Variants in PLEKHG4 observed in about 807,000 individuals in gnomAD.
PLEKHG4 encodes pleckstrin homology and RhoGEF domain containing G4.
PLEKHG4 carries 85 observed loss-of-function variants against 136.9 expected under a neutral mutation model. The observed-to-expected ratio is 0.62, with a 90% CI of 0.52 to 0.74. The LOEUF (loss-of-function observed/expected upper bound fraction) is 0.74, where lower values mean the gene tolerates loss of function less well. PLEKHG4 is among the 30% of genes least tolerant of loss of function. PLEKHG4 has a pLI of 0.00. For missense variants in PLEKHG4, 1,317 were observed against 1,527.8 expected, an observed-to-expected ratio of 0.86 and a Z score of 2.30; for synonymous variants, 577 against 646.9, an observed-to-expected ratio of 0.89 and a Z score of 1.64.
Position 67,281,594 on chromosome 16 carries a change from G to C in PLEKHG4, c.841G>C (p.Val281Leu). The C allele has an allele frequency of 2.5e-6, 4 of 1,613,902 alleles. No homozygotes were observed. The highest frequency in any genetic ancestry group is 2.5e-6 in the Non-Finnish European group (3 of 1,179,936). ...AGCAGCCCCAGGGGCCGTGTACCAGGTGCTGCTAGTGGGAAGCACGCTGCT... is the reference window on the plus strand; with the variant it reads ...AGCAGCCCCAGGGGCCGTGTACCAGCTGCTGCTAGTGGGAAGCACGCTGCT... ...QEAAPGAVYQVLLVGSTLLKE... is the reference protein window; with the variant it reads ...QEAAPGAVYQLLLVGSTLLKE... The change falls in exon 6 of 22, where the codon GTG (valine) becomes CTG (leucine). Residue 281 changes from valine to leucine, a missense_variant. Transcript: ENST00000379344.
At position 67,287,895 on chromosome 16, in the gene PLEKHG4, C is replaced by T. The variant is rs2036550193; in HGVS notation, c.3104-3C>T. ...ATCCCACTTATGTCCACTCTCCACCCAGAGGTGCGCATGGCTGAGATGGTG... is the reference window on the plus strand; with the variant it reads ...ATCCCACTTATGTCCACTCTCCACCTAGAGGTGCGCATGGCTGAGATGGTG... On this transcript the variant is annotated splice_region_variant and splice_polypyrimidine_tract_variant and intron_variant, in intron 18 of 21. Transcript: ENST00000379344. The T allele has an allele frequency of 6.3e-7, 1 of 1,599,106 alleles. No individual in the cohort carries two copies.
intron 14 of PLEKHG4, 99 bp from the exon 15 acceptor site, chr16:67,286,175 A>C (rs919080388): frequency 6.1e-6 from 5 of 825,988 alleles, no homozygotes; most frequent in Non-Finnish European, 1.1e-5. Flanking sequence ...AGAGGCATCT[A>C]CTGGCATTTT....
chr16:67,280,452 G>T lies in PLEKHG4; in HGVS notation c.408G>T (p.Ala136=), dbSNP rs757576012. Residue 136 remains alanine, a synonymous_variant, in exon 2 of 22, where the codon GCG becomes GCT. Coordinates refer to ENST00000379344, the MANE Select transcript of PLEKHG4 (RefSeq NM_001129729.3). This position sits in a 1 kb window ranked among gnomAD's most constrained non-coding sequence, Gnocchi z 4.4. ...TAGGGGACCCAGGTCCAAGCAGGGC[G>T]ATGCCATCTGGCTTGAGCCCTGGGG... The part of the protein sequence containing the change: ...GLVGDPGPSR[A]MPSGLSPGAL... 6.2e-7 allele frequency: 1 copy of T among 1,600,336 alleles called. No individual in the cohort carries two copies. Among genetic ancestry groups the T allele is most frequent in the South Asian group, 1.1e-5 (1 of 88,960 alleles).
rs1291324468 is a variant in PLEKHG4 at position 67,285,341 on chromosome 16, G to T, written c.2247G>T (p.Arg749=). 1 of 1,614,066 alleles carries T rather than the reference G, an allele frequency of 6.2e-7. No individual in the cohort carries two copies. Among genetic ancestry groups the T allele is most frequent in the Non-Finnish European group, 8.5e-7 (1 of 1,180,042 alleles). The part of the protein sequence containing the change: ...EMVATEREYV[R]ALEYTMENYF... ...TGGCCACGGAGCGGGAGTATGTCCG[G>T]GCTCTAGAGTACACTATGGAGAACT... The change falls in exon 14 of 22, where the codon CGG becomes CGT. Residue 749 remains arginine (R), a synonymous_variant. Transcript: ENST00000379344.
At chr16:67,288,042 G>A (rs779626193) in intron 19 of PLEKHG4, 28 bp downstream of exon 19, 1 of 1,557,378 alleles carries the variant, frequency 6.4e-7, no homozygotes, top group Non-Finnish European at 8.9e-7. Context: ...GGGTGTGGGG[G>A]TGGGAGTAGG....
chr16:67,277,818 C>T (rs115328599), upstream of PLEKHG4: 5,172 of 152,470 alleles, frequency 0.034, 141 homozygotes, highest in South Asian at 0.07. Flanking sequence ...GGATAACATA[C>T]AGTCTCTGTT....
Position 67,289,366 on chromosome 16 carries a change from G to A in PLEKHG4, c.*558G>A, listed in dbSNP as rs1452760798. 2.0e-6 allele frequency: 1 copy of A among 506,788 alleles called. No homozygotes were observed. The allele number at this position is 506,788 out of a possible 1,614,324, so 31.4% of individuals were successfully genotyped here. On this transcript the variant is annotated 3_prime_UTR_variant, in exon 22 of 22. Coordinates refer to ENST00000379344, the MANE Select transcript of PLEKHG4 (RefSeq NM_001129729.3). ...CTTTTGAATAACTTTCAATAGAATT[G>A]TCTAAAATTATCTTACTGGTTGTTA...
intron 11 of PLEKHG4, among the ~76,000 whole-genome samples, chr16:67,283,997 A>C (rs1398681043): frequency 6.6e-6 from 1 of 151,916 alleles, no homozygotes; most frequent in Admixed American, 6.6e-5. Flanking sequence ...TGAGAGTTGG[A>C]GTCAGTGAGG....
At position 67,280,041 on chromosome 16, in the gene PLEKHG4, C is replaced by T. The variant is rs200775257; in HGVS notation, c.-4C>T. ...CCGAGCAGGCCCACCTTTAGGAGGGCGTGATGGAAAGGCCCCTGGAGAATG... is the reference window on the plus strand; with the variant it reads ...CCGAGCAGGCCCACCTTTAGGAGGGTGTGATGGAAAGGCCCCTGGAGAATG... On this transcript the variant is annotated 5_prime_UTR_variant, in exon 2 of 22. Transcript: ENST00000379344. The surrounding 1 kb of genome is among the most constrained non-coding windows in gnomAD (Gnocchi z 4.4). 4.3e-6 allele frequency: 7 copies of T among 1,612,366 alleles called. No individual in the cohort carries two copies. In the Admixed American group the frequency reaches 5.0e-5, roughly 12 times the overall value.
In PLEKHG4 at chr16:67,288,569, C is replaced by A; in HGVS notation, c.3535C>A (p.Gln1179Lys). ...SGSDSSCVSG[Q>K]ALGRGLEDLP... Reference sequence around the variant, plus strand: ...CTCTGACAGCAGCTGTGTGTCAGGGCAGGCCCTGGGTAGGGGCCTGGAGGA... The same window carrying A: ...CTCTGACAGCAGCTGTGTGTCAGGGAAGGCCCTGGGTAGGGGCCTGGAGGA... The change falls in exon 21 of 22, where the codon CAG becomes AAG. Residue 1179 changes from glutamine to lysine, a missense_variant. Coordinates refer to ENST00000379344, the MANE Select transcript of PLEKHG4 (RefSeq NM_001129729.3). The A allele has an allele frequency of 6.2e-7, 1 of 1,614,128 alleles. No homozygotes were observed. The highest frequency in any genetic ancestry group is 1.1e-5 in the South Asian group (1 of 91,088).
At position 67,285,323 on chromosome 16, in the gene PLEKHG4, G is replaced by T. The variant is rs368485618; in HGVS notation, c.2229G>T (p.Thr743=). The change falls in exon 14 of 22, where the codon ACG becomes ACT. Residue 743 remains threonine (T), a synonymous_variant. Coordinates refer to ENST00000379344, the MANE Select transcript of PLEKHG4 (RefSeq NM_001129729.3). ...LQLVLAEMVA[T]EREYVRALEY... ...TGGTGCTGGCAGAGATGGTGGCCAC[G>T]GAGCGGGAGTATGTCCGGGCTCTAG... 3 of 1,614,064 alleles carry T rather than the reference G, an allele frequency of 1.9e-6. No individual in the cohort carries two copies. Among genetic ancestry groups the T allele is most frequent in the East Asian group, 4.5e-5 (2 of 44,900 alleles).
In PLEKHG4 at chr16:67,286,609, C is replaced by T. The variant is rs562045995; in HGVS notation, c.2697C>T (p.His899=). 8 of 1,561,644 alleles carry T rather than the reference C, an allele frequency of 5.1e-6. No homozygotes were observed. Among genetic ancestry groups the T allele is most frequent in the Non-Finnish European group, 6.9e-6 (8 of 1,152,388 alleles). The change falls in exon 16 of 22, where the codon CAC becomes CAT. Residue 899 remains histidine, a synonymous_variant. Transcript: ENST00000379344. ...SALREAQSLV[H]FQLRHGNDLL... ...TGCGGGAGGCCCAGAGCCTTGTGCACTTCCAGCTGCGGCACGGAAACGACC... is the reference window on the plus strand; with the variant it reads ...TGCGGGAGGCCCAGAGCCTTGTGCATTTCCAGCTGCGGCACGGAAACGACC...
chr16:67,285,394 T>A lies in PLEKHG4; in HGVS notation c.2300T>A (p.Val767Glu). The change falls in exon 14 of 22, where the codon GTG (valine) becomes GAG (glutamate). Residue 767 changes from valine to glutamate, a missense_variant. Coordinates refer to ENST00000379344, the MANE Select transcript of PLEKHG4 (RefSeq NM_001129729.3). ...NYFPELDRPD[V>E]PQGLRGQRAH... is the part of the protein sequence containing the mutation. ...TTCCCCGAGCTGGATCGCCCCGATG[T>A]GCCCCAGGGCCTCCGCGGTCAGCGT... 6.2e-7 allele frequency: 1 copy of A among 1,614,236 alleles called. No homozygotes were observed. The highest frequency in any genetic ancestry group is 8.5e-7 in the Non-Finnish European group (1 of 1,180,042).
upstream of PLEKHG4, chr16:67,278,818 G>C (rs1036630525): frequency 3.9e-5 from 6 of 152,230 alleles, no homozygotes; most frequent in African/African-American, 1.4e-4. Flanking sequence ...GCCTGGGCTG[G>C]GGGCTCTGGC....
At position 67,280,470 on chromosome 16, in the gene PLEKHG4, C is replaced by A. The variant is rs1310019342; in HGVS notation, c.426C>A (p.Ser142Arg). Residue 142 changes from serine (S) to arginine (R), a missense_variant, in exon 2 of 22, where the codon AGC (serine) becomes AGA (arginine). Ser to Arg is a moderately radical substitution (Grantham distance 110). Coordinates refer to ENST00000379344, the MANE Select transcript of PLEKHG4 (RefSeq NM_001129729.3). This position sits in a 1 kb window ranked among gnomAD's most constrained non-coding sequence, Gnocchi z 4.4. ...GPSRAMPSGL[S>R]PGALDSDPVG... ...GCAGGGCGATGCCATCTGGCTTGAG[C>A]CCTGGGGCATTGGACAGCGACCCTG... 1 of 1,603,430 alleles carries A rather than the reference C, an allele frequency of 6.2e-7. No individual in the cohort carries two copies. The highest frequency in any genetic ancestry group is 2.2e-5 in the East Asian group (1 of 44,790).
At position 67,288,200 on chromosome 16, in the gene PLEKHG4, C is replaced by T. The variant is rs769958501; in HGVS notation, c.3254C>T (p.Pro1085Leu). The part of the protein sequence containing the change: ...VRSRASIAVA[P>L]FDHDSLYLGA... ...TCTCGGGCGTCCATTGCCGTAGCCC[C>T]GTTTGACCATGACAGCCTCTACCTG... The change falls in exon 20 of 22, where the codon CCG (proline) becomes CTG (leucine). Residue 1085 changes from proline to leucine, a missense_variant. Physicochemically the swap from Pro to Leu is moderately conservative, Grantham distance 98. Coordinates refer to ENST00000379344, the MANE Select transcript of PLEKHG4 (RefSeq NM_001129729.3). 13 of 1,614,044 alleles carry T rather than the reference C, an allele frequency of 8.1e-6. No individual in the cohort carries two copies. The highest frequency in any genetic ancestry group is 2.2e-5 in the South Asian group (2 of 91,080).
At position 67,288,923 on chromosome 16, in the gene PLEKHG4, G is replaced by C. The variant is rs1238064850; in HGVS notation, c.*115G>C. ...CACCTGGGCTACCTCCAACCTACAT[G>C]TGCAACGCTGTTGACTACCCTTTCT... On this transcript the variant is annotated 3_prime_UTR_variant, in exon 22 of 22. Transcript: ENST00000379344. The C allele has an allele frequency of 1.7e-6, 2 of 1,143,068 alleles. No individual in the cohort carries two copies. Among genetic ancestry groups the C allele is most frequent in the East Asian group, 5.1e-5 (2 of 39,454 alleles). The allele number at this position is 1,143,068 out of a possible 1,614,324, so 70.8% of individuals were successfully genotyped here. A position where few individuals can be genotyped will look rare whatever the true frequency, so the allele number is the denominator to read the frequency against.
rs762898073 is a variant in PLEKHG4, at chr16:67,287,948, C to T, written c.3154C>T (p.Arg1052Ter). The T allele has an allele frequency of 4.0e-5, 65 of 1,613,882 alleles. 2 individuals carry two copies. The highest frequency in any genetic ancestry group is 3.7e-4 in the South Asian group (34 of 91,076). ...CATGGGTGTGGGGAACAAGGCCTTC[C>T]GAGACATTGCTCCCAGCGAGGAAGC... ...VSMGVGNKAF[R>*]DIAPSEEAIN... Residue 1052 changes from arginine (R) to a stop codon, truncating the protein, a stop_gained, in exon 19 of 22, where the codon CGA becomes TGA. Transcript: ENST00000379344. LOFTEE classifies it high-confidence loss of function.
In PLEKHG4 at chr16:67,280,487, G is replaced by A. The variant is rs1325796734; in HGVS notation, c.443G>A (p.Ser148Asn). ...PSGLSPGALD[S>N]DPVGLGDPLS... ...GGCTTGAGCCCTGGGGCATTGGACA[G>A]CGACCCTGTGGGCCTTGGAGACCCT... Residue 148 changes from serine (S) to asparagine (N), a missense_variant, in exon 2 of 22, where the codon AGC becomes AAC. Transcript: ENST00000379344. The surrounding 1 kb of genome is among the most constrained non-coding windows in gnomAD (Gnocchi z 4.4). The A allele has an allele frequency of 6.2e-7, 1 of 1,606,508 alleles. No individual in the cohort carries two copies. The highest frequency in any genetic ancestry group is 8.5e-7 in the Non-Finnish European group (1 of 1,176,834).
Sources: gnomAD v4.1 joint callset for allele counts (sites outside exome capture counted in the v4.1 genomes callset) on GRCh38, gnomAD v4.1.1 for gene constraint, Gnocchi (gnomAD v3.1) non-coding constraint, MANE v1.5 for transcripts, NCBI Gene and HGNC (gene_info 2026-07-23, HGNC 2026-07-21) for gene names.